LRMDA: variants seen among roughly 807,000 people sequenced by gnomAD.
LRMDA encodes leucine-rich melanocyte differentiation-associated protein.
In LRMDA, 18 loss-of-function variants were observed where a neutral mutation model predicts 29.8. The ratio of observed to expected loss-of-function variants is 0.60; its 90% CI spans 0.42 to 0.90. The LOEUF (loss-of-function observed/expected upper bound fraction) is 0.90. Ranked by LOEUF, LRMDA falls within the 40% of genes least tolerant of loss-of-function variation. LRMDA has a pLI of 0.00. For synonymous variants in LRMDA, 125 were observed against 109.4 expected, an observed-to-expected ratio of 1.14 and a Z score of -0.89; for missense variants, 273 against 273.9, an observed-to-expected ratio of 1.00 and a Z score of 0.02.
intron 2 of LRMDA, among the ~76,000 whole-genome samples, chr10:76,022,987 C>A (rs1375708816): frequency 6.6e-6 from 1 of 151,942 alleles, no homozygotes; most frequent in Non-Finnish European, 1.5e-5. Flanking sequence ...ATGAATTAAC[C>A]AATGGTTAAT....
At chr10:75,642,897 A>G (rs980420055) in intron 2 of LRMDA, 8 of 152,296 alleles carry the variant, frequency 5.3e-5, no homozygotes, top group African/African-American at 1.9e-4. Flanking sequence ...CAAGCATGTC[A>G]TAAGCACATG....
At chr10:76,147,117 G>A (rs1483093787) in intron 5 of LRMDA, among the ~76,000 whole-genome samples, 8 of 152,202 alleles carry the variant, frequency 5.3e-5, no homozygotes, top group African/African-American at 7.2e-5. Context: ...TGCCCTTAAC[G>A]TTTTTTCCTT....
chr10:75,852,274 C>T (rs1335476144), intron 2 of LRMDA, among the ~76,000 whole-genome samples: 1 of 152,160 alleles, frequency 6.6e-6, no homozygotes, highest in Non-Finnish European at 1.5e-5. Flanking sequence ...ACTCTGACTT[C>T]TGAGGTTCAT....
intron 5 of LRMDA, among the ~76,000 whole-genome samples, chr10:76,299,194 C>A (rs952973195): frequency 2.3e-5 from 3 of 130,122 alleles, no homozygotes; most frequent in African/African-American, 3.6e-5. Context: ...TGTGTGCATG[C>A]ACGCACGCGC....
At chr10:75,464,480 G>A (rs1844627462) in intron 2 of LRMDA, among the ~76,000 whole-genome samples, 1 of 152,210 alleles carries the variant, frequency 6.6e-6, no homozygotes, top group African/African-American at 2.4e-5. Context: ...CTAGAGGAAA[G>A]GATGAGATGG....
intron 6 of LRMDA, among the ~76,000 whole-genome samples, chr10:76,454,612 A>T (rs1842438735): frequency 6.6e-6 from 1 of 151,142 alleles, no homozygotes; most frequent in Non-Finnish European, 1.5e-5. Flanking sequence ...AGCTGTTCTC[A>T]CCGCCACCCC....
At chr10:76,414,131 A>T (rs1293657609) in intron 6 of LRMDA, among the ~76,000 whole-genome samples, 1 of 152,238 alleles carries the variant, frequency 6.6e-6, no homozygotes, top group Admixed American at 6.5e-5. Flanking sequence ...GAACTTGGAC[A>T]TGCTTTTTAA....
intron 5 of LRMDA, among the ~76,000 whole-genome samples, chr10:76,165,542 G>A (rs1373357688): frequency 1.3e-5 from 2 of 152,224 alleles, no homozygotes; most frequent in Non-Finnish European, 1.5e-5. Context: ...AAAGTGCTGG[G>A]ATTACAGGCG....
intron 2 of LRMDA, among the ~76,000 whole-genome samples, chr10:75,932,198 CTG>C (rs1846216025): frequency 6.6e-6 from 1 of 152,176 alleles, no homozygotes. Context: ...CTAATAAACA[CTG>C]ATGCTCTTTT....
In LRMDA at chr10:75,929,295, A is replaced by ATGTGTGTGTGTGTGTGTG. The variant is rs151109175; in HGVS notation, c.132-106711_132-106694dup. 7.9e-5 allele frequency among the ~76,000 whole-genome samples: 12 copies of ATGTGTGTGTGTGTGTGTG among 151,116 alleles called. 2 individuals carry two copies. In the South Asian group the frequency reaches 2.1e-3, roughly 26 times the overall value. ...ATACAAGCATTTAAATGCATGATCT[A>ATGTGTGTGTGTGTGTGTG]TGTGTGTGTGTGTGTGTGTAAATGA... On this transcript the variant is annotated intron_variant, in intron 2 of 6. Transcript: ENST00000611255.
intron 6 of LRMDA, among the ~76,000 whole-genome samples, chr10:76,426,073 G>A (rs1019943303): frequency 5.9e-5 from 9 of 152,170 alleles, no homozygotes; most frequent in African/African-American, 1.7e-4. Context: ...ACGTGTGCAT[G>A]TGTCTTTATA....
chr10:76,079,539 G>A (rs1189761542), intron 5 of LRMDA, among the ~76,000 whole-genome samples: 1 of 152,134 alleles, frequency 6.6e-6, no homozygotes, highest in East Asian at 1.9e-4. Context: ...GTTGGAGGCA[G>A]TTTGGAAAAA....
chr10:75,942,478 G>A (rs1846408650), intron 2 of LRMDA, among the ~76,000 whole-genome samples: 1 of 152,154 alleles, frequency 6.6e-6, no homozygotes, highest in Non-Finnish European at 1.5e-5. Flanking sequence ...TAATCCTCAT[G>A]AAGCTGGTGA....
intron 2 of LRMDA, among the ~76,000 whole-genome samples, chr10:76,029,436 C>G (rs371559532): frequency 2.0e-5 from 3 of 152,100 alleles, no homozygotes; most frequent in Non-Finnish European, 2.9e-5. Context: ...CACAATTTAC[C>G]TCTGAGCTTC....
chr10:75,758,048 C>T (rs1843053671), intron 2 of LRMDA, among the ~76,000 whole-genome samples: 1 of 152,206 alleles, frequency 6.6e-6, no homozygotes, highest in Admixed American at 6.5e-5. Context: ...GATCCACTGT[C>T]CTTGGCCTCC....
intron 6 of LRMDA, among the ~76,000 whole-genome samples, chr10:76,328,377 G>C (rs1310912808): frequency 6.6e-6 from 1 of 152,200 alleles, no homozygotes; most frequent in African/African-American, 2.4e-5. Flanking sequence ...TATTTAGAAT[G>C]TAAACTATAT....
At chr10:76,062,984 T>C (rs1589309969) in intron 5 of LRMDA, among the ~76,000 whole-genome samples, 1 of 152,166 alleles carries the variant, frequency 6.6e-6, no homozygotes, top group Non-Finnish European at 1.5e-5. Flanking sequence ...GAGAGACAGC[T>C]CAAAAATCCG....
At chr10:75,611,222 C>T (rs1841027711) in intron 2 of LRMDA, among the ~76,000 whole-genome samples, 1 of 152,126 alleles carries the variant, frequency 6.6e-6, no homozygotes, top group South Asian at 2.1e-4. Flanking sequence ...TTTGTGGAGG[C>T]AAGTGCAGCC....
chr10:76,209,673 T>A (rs1257725216), intron 5 of LRMDA, among the ~76,000 whole-genome samples: 1 of 152,206 alleles, frequency 6.6e-6, no homozygotes, highest in African/African-American at 2.4e-5. Flanking sequence ...TTTAAATGAT[T>A]TTTGTTCCAA....
Sources: allele counts gnomAD v4.1 joint callset (sites outside exome capture counted in the v4.1 genomes callset), GRCh38; gene constraint gnomAD v4.1.1; transcripts MANE v1.5; gene names NCBI Gene and HGNC (gene_info 2026-07-23, HGNC 2026-07-21).